The following WARS2 variants were observed in gnomAD, a reference collection of about 807,000 sequenced individuals.
WARS2 encodes the protein tryptophanyl tRNA synthetase 2, mitochondrial, also known as tryptophan--tRNA ligase, mitochondrial.
A neutral mutation model predicts 36.5 loss-of-function variants in WARS2; 28 were observed. That is an observed-to-expected ratio of 0.77 (90% CI 0.57 to 1.05). The LOEUF (loss-of-function observed/expected upper bound fraction) is 1.05. Among genes scored for constraint, WARS2 ranks in the 50% least tolerant of loss-of-function variants. WARS2 has a pLI of 0.00. For synonymous variants in WARS2, 174 were observed against 178.4 expected, an observed-to-expected ratio of 0.98 and a Z score of 0.20; for missense variants, 435 against 456.8, an observed-to-expected ratio of 0.95 and a Z score of 0.44.
chr1:119,034,418 T>G (rs1647702741), intron 4 of WARS2, among the ~76,000 whole-genome samples: 1 of 152,202 alleles, frequency 6.6e-6, no homozygotes, highest in Admixed American at 6.5e-5. Context: ...CTAGTTGTGT[T>G]TTTTCCACAG....
intron 3 of WARS2, 140 bp downstream of exon 3, chr1:119,045,442 A>T: frequency 1.5e-6 from 1 of 675,482 alleles, no homozygotes; most frequent in South Asian, 2.0e-5. Flanking sequence ...TAATACCCTG[A>T]AGCAGGGAGG....
chr1:119,062,162 T>C (rs993214535), intron 2 of WARS2, among the ~76,000 whole-genome samples: 1 of 152,184 alleles, frequency 6.6e-6, no homozygotes, highest in Non-Finnish European at 1.5e-5. Flanking sequence ...TTCCTACACC[T>C]ATGAGTACAC....
chr1:119,068,175 C>A (rs1031407884), intron 2 of WARS2, among the ~76,000 whole-genome samples: 5 of 152,242 alleles, frequency 3.3e-5, no homozygotes, highest in African/African-American at 1.2e-4. Flanking sequence ...TGAAAGAGCA[C>A]CTATTGTTGG....
chr1:119,069,692 T>C (rs901245866), intron 2 of WARS2, among the ~76,000 whole-genome samples: 6 of 152,332 alleles, frequency 3.9e-5, no homozygotes, highest in East Asian at 3.9e-4. Flanking sequence ...AAGGGATTTC[T>C]AGCTAAGCTG....
At chr1:119,120,735 A>G (rs1333616109) in intron 1 of WARS2, among the ~76,000 whole-genome samples, 1 of 152,142 alleles carries the variant, frequency 6.6e-6, no homozygotes, top group Non-Finnish European at 1.5e-5. Flanking sequence ...GGTTGGTTTA[A>G]CATACACAAG....
intron 1 of WARS2, among the ~76,000 whole-genome samples, chr1:119,111,740 G>A (rs1476626900): frequency 6.6e-6 from 1 of 152,112 alleles, no homozygotes; most frequent in Non-Finnish European, 1.5e-5. Context: ...CTCAATTACA[G>A]CTTGGATATC....
intron 1 of WARS2, among the ~76,000 whole-genome samples, chr1:119,110,645 T>G (rs1266404817): frequency 6.6e-6 from 1 of 152,090 alleles, no homozygotes; most frequent in Non-Finnish European, 1.5e-5. Flanking sequence ...CTTATCTTGC[T>G]TGGTGGTCTC....
At chr1:119,085,327 G>A in intron 1 of WARS2, 1 of 1,302,576 alleles carries the variant, frequency 7.7e-7, no homozygotes, top group Non-Finnish European at 1.1e-6. Flanking sequence ...ACTGACTTCT[G>A]AGCTCTCTCC....
intron 3 of WARS2, among the ~76,000 whole-genome samples, chr1:119,044,581 A>C (rs1392266759): frequency 1.3e-5 from 2 of 152,220 alleles, no homozygotes; most frequent in African/African-American, 4.8e-5. Context: ...GCTTATAAAC[A>C]ACAGAAATTT....
intron 3 of WARS2, 69 bp downstream of exon 3, chr1:119,045,513 T>C (rs920518721): frequency 1.5e-6 from 2 of 1,376,850 alleles, no homozygotes; most frequent in Non-Finnish European, 2.0e-6. Flanking sequence ...AAACTCAGGA[T>C]TCCCAGAGCC....
At chr1:119,130,471 G>A (rs980049040) in intron 1 of WARS2, among the ~76,000 whole-genome samples, 2 of 152,120 alleles carry the variant, frequency 1.3e-5, no homozygotes, top group African/African-American at 2.4e-5. Context: ...TCAGTTAAGC[G>A]ACAAGTTTGA....
chr1:119,060,276 A>C (rs1650266993), intron 2 of WARS2, among the ~76,000 whole-genome samples: 1 of 152,276 alleles, frequency 6.6e-6, no homozygotes, highest in South Asian at 2.1e-4. Context: ...GAAGTCTGAG[A>C]TGAAGGGGCC....
At chr1:119,140,242 A>C in intron 1 of WARS2, 1 of 277,624 alleles carries the variant, frequency 3.6e-6, no homozygotes, top group Non-Finnish European at 6.8e-6. Context: ...CCGTCTCTGA[A>C]AACATCACAC....
At chr1:119,048,585 G>C (rs138524209) in intron 2 of WARS2, among the ~76,000 whole-genome samples, 252 of 152,264 alleles carry the variant, frequency 1.7e-3, no homozygotes, top group Middle Eastern at 3.4e-3. Flanking sequence ...ACAGAAGTGG[G>C]GAAAGAAGGG....
In WARS2 at chr1:119,076,340, A is replaced by C; in HGVS notation, c.348+10T>G. 1 of 1,613,972 alleles carries C rather than the reference A, an allele frequency of 6.2e-7. No individual in the cohort carries two copies. The highest frequency in any genetic ancestry group is 8.5e-7 in the Non-Finnish European group (1 of 1,179,906). On this transcript the variant is annotated intron_variant, in intron 2 of 5. Coordinates refer to ENST00000235521, the MANE Select transcript of WARS2 (RefSeq NM_015836.4). ...TAAGAGTTTTCTCAGTTCTAATCTG[A>C]GAAGCTGACCTGAGATTGTTGGAAA...
intron 5 of WARS2, among the ~76,000 whole-genome samples, chr1:119,033,850 T>C (rs1647654283): frequency 6.6e-6 from 1 of 152,206 alleles, no homozygotes; most frequent in Non-Finnish European, 1.5e-5. Context: ...AAATTTTTGG[T>C]CTCTTCCATA....
intron 2 of WARS2, among the ~76,000 whole-genome samples, chr1:119,056,186 ATTTTTTTT>A (rs751264352): frequency 6.0e-5 from 7 of 116,174 alleles, no homozygotes; most frequent in Non-Finnish European, 1.2e-4. Flanking sequence ...TGCCTGGCTA[ATTTTTTTT>A]TTTTTTTTTT....
At position 119,034,108 on chromosome 1, in the gene WARS2, G is replaced by C; in HGVS notation, c.621C>G (p.Pro207=). 8.7e-6 allele frequency: 14 copies of C among 1,613,378 alleles called. No individual in the cohort carries two copies. Among genetic ancestry groups the C allele is most frequent in the Non-Finnish European group, 1.1e-5 (13 of 1,179,458 alleles). The change falls in exon 5 of 6, where the codon CCC becomes CCG. Residue 207 remains proline, a synonymous_variant. Transcript: ENST00000235521. Reference sequence around the variant, plus strand: ...TTTCTTACTTACTGAGAATGGACTCGGGCACTGGAAAGAACTCCCCATACT... The same window carrying C: ...TTTCTTACTTACTGAGAATGGACTCCGGCACTGGAAAGAACTCCCCATACT... The part of the protein sequence containing the change: ...NKKYGEFFPV[P]ESILTSMKKV...
At chr1:119,081,720 CATCTACATTGCCCTACT>C (rs2101351487) in intron 1 of WARS2, among the ~76,000 whole-genome samples, 1 of 152,276 alleles carries the variant, frequency 6.6e-6, no homozygotes, top group African/African-American at 2.4e-5. Context: ...TCAATTCTAT[CATCTACATTGCCCTACT>C]ATTTCAATCC....
Sources: gnomAD v4.1 joint callset for allele counts (sites outside exome capture counted in the v4.1 genomes callset) on GRCh38, gnomAD v4.1.1 for gene constraint, MANE v1.5 for transcripts, NCBI Gene and HGNC (gene_info 2026-07-23, HGNC 2026-07-21) for gene names.